Variants in FMNL2 observed in about 807,000 individuals in gnomAD.
The protein encoded by FMNL2 is formin-like protein 2.
A neutral mutation model predicts 130.2 loss-of-function variants in FMNL2; 51 were observed. The ratio of observed to expected loss-of-function variants is 0.39; its 90% CI spans 0.31 to 0.49. The LOEUF is 0.49. FMNL2 is among the 20% of genes least tolerant of loss of function. FMNL2 has a pLI of 0.85. For missense variants in FMNL2, 977 were observed against 1,316.2 expected, an observed-to-expected ratio of 0.74 and a Z score of 3.99; for synonymous variants, 465 against 467.1, an observed-to-expected ratio of 1.00 and a Z score of 0.06.
chr2:152,492,149 G>A (rs1339279982), intron 1 of FMNL2, among the ~76,000 whole-genome samples: 1 of 152,068 alleles, frequency 6.6e-6, no homozygotes, highest in African/African-American at 2.4e-5. Flanking sequence ...TTTAGATATG[G>A]TCCTGTCTGT....
At chr2:152,549,146 A>G in intron 4 of FMNL2, 49 bp downstream of exon 4, 2 of 1,320,358 alleles carry the variant, frequency 1.5e-6, no homozygotes, top group Non-Finnish European at 2.1e-6. Context: ...TGGACACTTT[A>G]CAAAGTAACT....
intron 1 of FMNL2, among the ~76,000 whole-genome samples, chr2:152,370,321 T>G (rs2105855495): frequency 6.6e-6 from 1 of 152,296 alleles, no homozygotes; most frequent in South Asian, 2.1e-4. Flanking sequence ...CCGGGGTCTC[T>G]TTTTATAAGG....
chr2:152,543,743 A>AC (rs1360586669), intron 3 of FMNL2, among the ~76,000 whole-genome samples: 1 of 151,328 alleles, frequency 6.6e-6, no homozygotes, highest in Non-Finnish European at 1.5e-5. Context: ...AAAAAAAAAA[A>AC]AAAAAAGTCC....
At chr2:152,543,623 T>C (rs1694440232) in intron 3 of FMNL2, among the ~76,000 whole-genome samples, 1 of 151,654 alleles carries the variant, frequency 6.6e-6, no homozygotes, top group African/African-American at 2.4e-5. Context: ...TGGTATACTT[T>C]ACCTAGTTAG....
intron 1 of FMNL2, among the ~76,000 whole-genome samples, chr2:152,358,642 A>G (rs1304901713): frequency 6.6e-6 from 1 of 151,830 alleles, no homozygotes; most frequent in Non-Finnish European, 1.5e-5. Context: ...ATCTCAAAAA[A>G]AAAAAAAATT....
At chr2:152,551,872 C>T (rs1694956143) in intron 4 of FMNL2, among the ~76,000 whole-genome samples, 1 of 152,078 alleles carries the variant, frequency 6.6e-6, no homozygotes, top group African/African-American at 2.4e-5. Context: ...AAATATTAGC[C>T]AGTCACAATG....
chr2:152,483,548 G>C (rs189732205), intron 1 of FMNL2, among the ~76,000 whole-genome samples: 136 of 152,272 alleles, frequency 8.9e-4, no homozygotes, highest in Non-Finnish European at 1.4e-3. Context: ...TCCCAGGTAT[G>C]AGCCCTTAAA....
intron 1 of FMNL2, among the ~76,000 whole-genome samples, chr2:152,369,438 A>G (rs535108019): frequency 1.3e-5 from 2 of 152,344 alleles, no homozygotes; most frequent in East Asian, 1.9e-4. Flanking sequence ...ATTGACCTTA[A>G]GTATGGCTTT....
rs897433095 is a variant in FMNL2 at position 152,335,194 on chromosome 2, A to C, written c.-410A>C. On this transcript the variant is annotated 5_prime_UTR_variant, in exon 1 of 26. Transcript: ENST00000288670. ...CATTTGTCTGCTCCAGGTGCTAGCCAGGCAGGCGCAGCCGTGGCCGGCTAG... is the reference window on the plus strand; with the variant it reads ...CATTTGTCTGCTCCAGGTGCTAGCCCGGCAGGCGCAGCCGTGGCCGGCTAG... The C allele has an allele frequency of 1.3e-5, 2 of 153,726 alleles. No homozygotes were observed. Among genetic ancestry groups the C allele is most frequent in the Non-Finnish European group, 2.9e-5 (2 of 69,268 alleles). The allele number at this position is 153,726 out of a possible 1,614,324, so 9.5% of individuals were successfully genotyped here. A position where few individuals can be genotyped will look rare whatever the true frequency, so the allele number is the denominator to read the frequency against.
chr2:152,525,263 G>A (rs1347782034), intron 2 of FMNL2, among the ~76,000 whole-genome samples: 1 of 152,194 alleles, frequency 6.6e-6, no homozygotes, highest in African/African-American at 2.4e-5. Context: ...TTTAGGGGGT[G>A]CCTACAGAAC....
At chr2:152,436,687 G>A (rs1051394888) in intron 1 of FMNL2, among the ~76,000 whole-genome samples, 1 of 152,094 alleles carries the variant, frequency 6.6e-6, no homozygotes, top group African/African-American at 2.4e-5. Context: ...TGGAAGTGAC[G>A]TATATCACTT....
intron 22 of FMNL2, among the ~76,000 whole-genome samples, chr2:152,636,975 G>T (rs1682667521): frequency 6.6e-6 from 1 of 152,186 alleles, no homozygotes; most frequent in African/African-American, 2.4e-5. Context: ...GGGGGTTGCT[G>T]ATAGATAGGC....
intron 1 of FMNL2, among the ~76,000 whole-genome samples, chr2:152,361,343 CA>C (rs1683164723): frequency 6.6e-6 from 1 of 151,992 alleles, no homozygotes; most frequent in East Asian, 1.9e-4. Flanking sequence ...ACATGAAAAC[CA>C]AAAACACAGG....
At chr2:152,370,838 A>G (rs149496943) in intron 1 of FMNL2, among the ~76,000 whole-genome samples, 154 of 152,330 alleles carry the variant, frequency 1.0e-3, no homozygotes, top group African/African-American at 3.6e-3. Flanking sequence ...TATGGTAAAT[A>G]TTTATTATCT....
chr2:152,423,622 G>A (rs139632691), intron 1 of FMNL2, among the ~76,000 whole-genome samples: 243 of 152,308 alleles, frequency 1.6e-3, no homozygotes, highest in African/African-American at 5.6e-3. Flanking sequence ...GGTCTGCATG[G>A]CATTTGTCAG....
At chr2:152,346,959 C>T (rs548639681) in intron 1 of FMNL2, among the ~76,000 whole-genome samples, 55 of 151,084 alleles carry the variant, frequency 3.6e-4, no homozygotes, top group African/African-American at 1.3e-3. Context: ...GGCATAGTGG[C>T]ACACACCTGT....
intron 4 of FMNL2, among the ~76,000 whole-genome samples, chr2:152,550,899 A>G (rs1694900896): frequency 6.6e-6 from 1 of 152,094 alleles, no homozygotes. Flanking sequence ...GCACTTTGAG[A>G]GGCTGAGGTG....
At chr2:152,629,746 G>A in intron 19 of FMNL2, 22 bp downstream of exon 19, 1 of 1,600,982 alleles carries the variant, frequency 6.2e-7, no homozygotes, top group Non-Finnish European at 8.5e-7. Context: ...TTTTCTTGTA[G>A]GTATGAAGGA....
At chr2:152,588,795 A>G (rs734541) in intron 9 of FMNL2, among the ~76,000 whole-genome samples, 113,616 of 152,040 alleles carry the variant, frequency 0.75, 42,731 homozygotes, top group African/African-American at 0.79. Flanking sequence ...CAGGCTCTTC[A>G]TAGTGCCACA....
Sources: allele counts gnomAD v4.1 joint callset (sites outside exome capture counted in the v4.1 genomes callset), GRCh38; gene constraint gnomAD v4.1.1; transcripts MANE v1.5; gene names NCBI Gene and HGNC (gene_info 2026-07-23, HGNC 2026-07-21).